KANK1: variants seen among roughly 807,000 people sequenced by gnomAD.
KANK1 encodes KN motif and ankyrin repeat domain-containing protein 1.
A neutral mutation model predicts 106.2 loss-of-function variants in KANK1; 109 were observed. That is an observed-to-expected ratio of 1.03 (90% CI 0.88 to 1.20). KANK1 has a LOEUF of 1.20. KANK1 is among the 50% of genes most tolerant of loss of function. The pLI is 0.00. For synonymous variants in KANK1, 873 were observed against 652.2 expected, an observed-to-expected ratio of 1.34 and a Z score of -5.16; for missense variants, 2,399 against 1,710.7, an observed-to-expected ratio of 1.40 and a Z score of -7.10.
chr9:713,232 C>T lies in KANK1; in HGVS notation c.2466C>T (p.Gly822=). Residue 822 remains glycine, a synonymous_variant, in exon 3 of 12, where the codon GGC becomes GGT. Transcript: ENST00000382297. ...QPQAPLGMMT[G]LDHYIERIQK... ...AAGCTCCACTTGGAATGATGACTGGCCTGGATCACTACATTGAGCGTATCC... is the reference window on the plus strand; with the variant it reads ...AAGCTCCACTTGGAATGATGACTGGTCTGGATCACTACATTGAGCGTATCC... The T allele has an allele frequency of 6.2e-7, 1 of 1,603,584 alleles. No homozygotes were observed. Among genetic ancestry groups the T allele is most frequent in the Non-Finnish European group, 8.5e-7 (1 of 1,175,208 alleles).
chr9:743,202 T>G (rs574866717), intron 10 of KANK1, among the ~76,000 whole-genome samples: 2 of 152,328 alleles, frequency 1.3e-5, no homozygotes, highest in East Asian at 1.9e-4. Flanking sequence ...GATCAGAGCT[T>G]CTTTAGCTCA....
chr9:647,165 G>C (rs148501762), intron 1 of KANK1, among the ~76,000 whole-genome samples: 1 of 150,974 alleles, frequency 6.6e-6, no homozygotes, highest in East Asian at 1.9e-4. Context: ...AATTTGCCAT[G>C]GATTTAAGCC....
At chr9:698,280 C>T (rs993172123) in intron 2 of KANK1, among the ~76,000 whole-genome samples, 2 of 152,110 alleles carry the variant, frequency 1.3e-5, no homozygotes, top group Non-Finnish European at 2.9e-5. Context: ...GAGTTTCAAA[C>T]ACAGAGCGAG....
At chr9:718,324 T>TA (rs1554706126) in intron 3 of KANK1, among the ~76,000 whole-genome samples, 20 of 132,216 alleles carry the variant, frequency 1.5e-4, no homozygotes, top group Non-Finnish European at 2.4e-4. Flanking sequence ...TTTTTTTTTT[T>TA]ACTCTTAAGA....
At chr9:741,083 G>GTA (rs1444696580) in intron 9 of KANK1, 149 bp downstream of exon 9, 2 of 799,296 alleles carry the variant, frequency 2.5e-6, no homozygotes, top group African/African-American at 3.5e-5. Flanking sequence ...ACACTGCCTG[G>GTA]CACTCCTTGC....
At chr9:570,834 C>G (rs1397431177) in intron 1 of KANK1, among the ~76,000 whole-genome samples, 1 of 152,126 alleles carries the variant, frequency 6.6e-6, no homozygotes, top group Non-Finnish European at 1.5e-5. Context: ...ACTTTCTAAA[C>G]ATGCTTAATC....
chr9:562,971 C>G (rs559179915), intron 1 of KANK1, among the ~76,000 whole-genome samples: 4 of 152,276 alleles, frequency 2.6e-5, no homozygotes, highest in Admixed American at 2.0e-4. Context: ...GGAGTAAGTA[C>G]TGCTATTCAT....
Position 607,484 on chromosome 9 carries a change from C to CAA in KANK1, c.-83-69384_-83-69383dup, listed in dbSNP as rs760884670. On this transcript the variant is annotated intron_variant, in intron 1 of 11. Coordinates refer to ENST00000382297, the MANE Select transcript of KANK1 (RefSeq NM_015158.5). ...TGGGCGTTACAGCAAGACTCCATCT[C>CAA]AAAAAAAAAAAAAAAAAAAAAAAGG... is the stretch of plus-strand genomic sequence containing the variant. Among the ~76,000 whole-genome samples, 437 of 59,708 alleles carry CAA rather than the reference C, an allele frequency of 7.3e-3. 1 individual carries two copies. The highest frequency in any genetic ancestry group is 0.013 in the Admixed American group (66 of 5,226). 39.2% of individuals were successfully genotyped at this position (59,708 alleles called of 152,430 possible). A position where few individuals can be genotyped will look rare whatever the true frequency, so the allele number is the denominator to read the frequency against.
chr9:668,358 C>CTCTG, intron 1 of KANK1, among the ~76,000 whole-genome samples: 1 of 151,914 alleles, frequency 6.6e-6, no homozygotes, highest in East Asian at 1.9e-4. Flanking sequence ...ATCTCTCTCT[C>CTCTG]TCTTTGTATC....
chr9:719,127 A>AT (rs895962848), intron 3 of KANK1, among the ~76,000 whole-genome samples: 102 of 151,072 alleles, frequency 6.8e-4, no homozygotes, highest in African/African-American at 2.4e-3. Context: ...GCCCGGCTAA[A>AT]TTTTTTTTTA....
At chr9:507,186 C>G (rs1238073603) in intron 1 of KANK1, among the ~76,000 whole-genome samples, 2 of 147,676 alleles carry the variant, frequency 1.4e-5, no homozygotes, top group Admixed American at 6.7e-5. Context: ...GACTCCGTCT[C>G]TACAAAAAAA....
chr9:504,413 G>A (rs1035996543), upstream of KANK1, among the ~76,000 whole-genome samples: 2 of 151,756 alleles, frequency 1.3e-5, no homozygotes, highest in African/African-American at 4.8e-5. Context: ...GCGGCGCGCA[G>A]GCGCACTGAG....
chr9:648,771 T>C (rs1840272182), intron 1 of KANK1, among the ~76,000 whole-genome samples: 2 of 152,186 alleles, frequency 1.3e-5, no homozygotes, highest in South Asian at 4.1e-4. Context: ...AGACAATGCA[T>C]GTGAAAACAC....
At chr9:621,511 C>T (rs1588323891) in intron 1 of KANK1, among the ~76,000 whole-genome samples, 1 of 152,160 alleles carries the variant, frequency 6.6e-6, no homozygotes. Context: ...CATACAAAAG[C>T]CTTTGACCCC....
At chr9:728,748 C>T (rs145320862) in intron 3 of KANK1, among the ~76,000 whole-genome samples, 6 of 152,344 alleles carry the variant, frequency 3.9e-5, no homozygotes, top group East Asian at 1.9e-4. Flanking sequence ...TTGGTCTTCA[C>T]AACCCCTTAT....
chr9:716,019 T>C (rs1046799905), intron 3 of KANK1, among the ~76,000 whole-genome samples: 1 of 152,214 alleles, frequency 6.6e-6, no homozygotes, highest in Admixed American at 6.5e-5. Context: ...AATGTATTTC[T>C]GAACCAAAAG....
chr9:600,130 G>A (rs1191378577), intron 1 of KANK1, among the ~76,000 whole-genome samples: 4 of 151,316 alleles, frequency 2.6e-5, no homozygotes, highest in African/African-American at 7.3e-5. Context: ...ACATTATTGC[G>A]CAACCAGTCT....
At chr9:488,291 G>T (rs1052098491) in intron 3 of KANK1, among the ~76,000 whole-genome samples, 1 of 146,056 alleles carries the variant, frequency 6.8e-6, no homozygotes, top group African/African-American at 2.7e-5. Flanking sequence ...GTGGCTCAAA[G>T]AGGAGAGGAG....
At chr9:736,508 G>T (rs1000488177) in intron 7 of KANK1, among the ~76,000 whole-genome samples, 5 of 151,982 alleles carry the variant, frequency 3.3e-5, no homozygotes, top group Non-Finnish European at 5.9e-5. Context: ...TTCAGTTTGA[G>T]ACCAGCCTGG....
Sources: gnomAD v4.1 joint callset for allele counts (sites outside exome capture counted in the v4.1 genomes callset) on GRCh38, gnomAD v4.1.1 for gene constraint, MANE v1.5 for transcripts, NCBI Gene and HGNC (gene_info 2026-07-23, HGNC 2026-07-21) for gene names.